Variants in FAM184B observed in about 807,000 individuals in gnomAD.
FAM184B encodes protein FAM184B.
FAM184B carries 111 observed loss-of-function variants against 135.9 expected under a neutral mutation model. That is an observed-to-expected ratio of 0.82 (90% CI 0.70 to 0.96). The LOEUF (loss-of-function observed/expected upper bound fraction) is 0.96. Ranked by LOEUF, FAM184B falls within the 40% of genes least tolerant of loss-of-function variation. The pLI, the probability that FAM184B is intolerant of heterozygous loss-of-function variation, is 0.00. For synonymous variants in FAM184B, 552 were observed against 524.8 expected (o/e 1.05, Z -0.71); for missense variants, 1,375 against 1,323.9 (o/e 1.04, Z -0.60).
intron 11 of FAM184B, among the ~76,000 whole-genome samples, chr4:17,649,179 A>G (rs1263923031): frequency 6.6e-6 from 1 of 152,212 alleles, no homozygotes; most frequent in Non-Finnish European, 1.5e-5. Flanking sequence ...AAAATGGATG[A>G]GGTGATAAAA....
intron 1 of FAM184B, among the ~76,000 whole-genome samples, chr4:17,714,127 C>T (rs1163161767): frequency 6.6e-6 from 1 of 152,132 alleles, no homozygotes; most frequent in African/African-American, 2.4e-5. Context: ...GTTGAGTATA[C>T]AGTAGGTTCA....
In FAM184B at chr4:17,693,414, T is replaced by C. The variant is rs1217903725; in HGVS notation, c.1378-2A>G. On this transcript the variant is annotated splice_acceptor_variant, in intron 5 of 17. Transcript: ENST00000265018. LOFTEE classifies it high-confidence loss of function. ...TTCCTCCAACTGTGCTTCTACTTCC[T>C]AAATGATGATTGGAAGAGTTAACCA... The C allele has an allele frequency of 6.5e-7, 1 of 1,549,682 alleles. No homozygotes were observed. The highest frequency in any genetic ancestry group is 8.7e-7 in the Non-Finnish European group (1 of 1,145,228).
rs201889488 is a variant in FAM184B, at chr4:17,651,021, C to T, written c.2191+1809G>A. Among the ~76,000 whole-genome samples the T allele has an allele frequency of 2.2e-4, 33 of 152,264 alleles. 1 individual carries two copies. The East Asian group carries it at 6.0e-3, about 28-fold the overall frequency. ...AAAGTGCTGAGACTACAGGCATGAG[C>T]CACCACACTCAGCACCCAGAAATCT... On this transcript the variant is annotated intron_variant, in intron 11 of 17. Coordinates refer to ENST00000265018, the MANE Select transcript of FAM184B (RefSeq NM_015688.2).
At chr4:17,710,982 G>A (rs1717254569) in intron 1 of FAM184B, among the ~76,000 whole-genome samples, 1 of 152,184 alleles carries the variant, frequency 6.6e-6, no homozygotes, top group African/African-American at 2.4e-5. Flanking sequence ...GTGAAGTCAG[G>A]AGAGTTTTGT....
intron 1 of FAM184B, among the ~76,000 whole-genome samples, chr4:17,723,954 G>A (rs1207249112): frequency 3.3e-5 from 5 of 152,030 alleles, no homozygotes; most frequent in African/African-American, 1.2e-4. Flanking sequence ...CACATCCGGG[G>A]CAGCAAGACT....
chr4:17,709,230 C>G lies in FAM184B; in HGVS notation c.556G>C (p.Glu186Gln). The G allele has an allele frequency of 6.5e-7, 1 of 1,547,132 alleles. No individual in the cohort carries two copies. The highest frequency in any genetic ancestry group is 8.7e-7 in the Non-Finnish European group (1 of 1,145,138). Residue 186 changes from glutamate (E) to glutamine (Q), a missense_variant, in exon 2 of 18, where the codon GAG (glutamate) becomes CAG (glutamine). Coordinates refer to ENST00000265018, the MANE Select transcript of FAM184B (RefSeq NM_015688.2). ...LPQESPETKS[E>Q]PGQGPEMQEV... Reference sequence around the variant, plus strand: ...TGCATCTCCGGGCCCTGGCCTGGCTCCGACTTGGTTTCAGGGCTCTCCTGG... The same window carrying G: ...TGCATCTCCGGGCCCTGGCCTGGCTGCGACTTGGTTTCAGGGCTCTCCTGG...
At chr4:17,710,741 C>T (rs1717247532) in intron 1 of FAM184B, among the ~76,000 whole-genome samples, 1 of 152,148 alleles carries the variant, frequency 6.6e-6, no homozygotes, top group Non-Finnish European at 1.5e-5. Flanking sequence ...CAATGAGAAG[C>T]CCGGGAATGA....
At chr4:17,762,692 T>C (rs1004200197) in intron 1 of FAM184B, among the ~76,000 whole-genome samples, 2 of 152,240 alleles carry the variant, frequency 1.3e-5, no homozygotes, top group African/African-American at 4.8e-5. Flanking sequence ...TGAGTGACTA[T>C]TTGGTGAACA....
intron 1 of FAM184B, among the ~76,000 whole-genome samples, chr4:17,774,349 C>T (rs1270611729): frequency 6.6e-6 from 1 of 152,096 alleles, no homozygotes; most frequent in Non-Finnish European, 1.5e-5. Context: ...TCCTGGGCAA[C>T]AGAGCCAGAC....
intron 1 of FAM184B, among the ~76,000 whole-genome samples, chr4:17,729,085 A>T (rs376696217): frequency 2.2e-4 from 33 of 152,138 alleles, no homozygotes; most frequent in African/African-American, 7.5e-4. Flanking sequence ...AAAAAACGGC[A>T]CACCAGGAGA....
At chr4:17,659,092 A>G (rs1272233874) in intron 9 of FAM184B, among the ~76,000 whole-genome samples, 1 of 151,288 alleles carries the variant, frequency 6.6e-6, no homozygotes, top group Non-Finnish European at 1.5e-5. Context: ...TATACATATC[A>G]TTATATATAA....
chr4:17,734,355 T>A (rs1229694973), intron 1 of FAM184B, among the ~76,000 whole-genome samples: 1 of 152,036 alleles, frequency 6.6e-6, no homozygotes, highest in Non-Finnish European at 1.5e-5. Flanking sequence ...CTAAAGAGCT[T>A]CTGCACAGCA....
chr4:17,770,468 TTGTTG>T (rs869241553), intron 1 of FAM184B, among the ~76,000 whole-genome samples: 9 of 151,296 alleles, frequency 5.9e-5, no homozygotes, highest in South Asian at 2.1e-4. Context: ...GTTGTTGTTG[TTGTTG>T]TTTTTTCTGA....
rs1247709828 is a variant in FAM184B, at chr4:17,629,550, T to C, written c.*2982A>G. ...ACAGTTTGCTTTCATGTGGAACAGA[T>C]AGTATTCCTTTCAGTTTTGCTGCAG... On this transcript the variant is annotated 3_prime_UTR_variant, in exon 18 of 18. Transcript: ENST00000265018. 1 of 152,220 alleles carries C rather than the reference T, an allele frequency of 6.6e-6. No homozygotes were observed. Among genetic ancestry groups the C allele is most frequent in the Non-Finnish European group, 1.5e-5 (1 of 68,036 alleles). The allele number at this position is 152,220 out of a possible 1,614,324, so 9.4% of individuals were successfully genotyped here. A position where few individuals can be genotyped will look rare whatever the true frequency, so the allele number is the denominator to read the frequency against.
At chr4:17,640,542 C>T (rs1170662009) in intron 13 of FAM184B, among the ~76,000 whole-genome samples, 2 of 149,678 alleles carry the variant, frequency 1.3e-5, no homozygotes, top group Non-Finnish European at 3.0e-5. Context: ...AATTTTGGGC[C>T]AACACAACAG....
At chr4:17,702,654 G>T (rs1243834548) in intron 5 of FAM184B, among the ~76,000 whole-genome samples, 1 of 152,080 alleles carries the variant, frequency 6.6e-6, no homozygotes, top group African/African-American at 2.4e-5. Flanking sequence ...TCAGTTCTTG[G>T]AAACGAACAA....
intron 5 of FAM184B, among the ~76,000 whole-genome samples, chr4:17,698,653 C>G (rs574292703): frequency 1.3e-5 from 2 of 152,118 alleles, no homozygotes; most frequent in South Asian, 4.2e-4. Context: ...ATGAAGTGTC[C>G]CAACTCAGTA....
chr4:17,642,131 T>C lies in FAM184B; in HGVS notation c.2444A>G (p.Gln815Arg), dbSNP rs1212443456. The change falls in exon 13 of 18, where the codon CAG becomes CGG. Residue 815 changes from glutamine to arginine, a missense_variant. Gln to Arg is a conservative substitution (Grantham distance 43). Transcript: ENST00000265018. ...CGLWEENAQL[Q>R]DAVRRLRAEV... Reference sequence around the variant, plus strand: ...CGCGCGCAGCCGCCGCACCGCGTCCTGGAGCTGCGCGTTCTCCTCCCAGAG... The same window carrying C: ...CGCGCGCAGCCGCCGCACCGCGTCCCGGAGCTGCGCGTTCTCCTCCCAGAG... 1.3e-6 allele frequency: 2 copies of C among 1,533,446 alleles called. No individual in the cohort carries two copies. Among genetic ancestry groups the C allele is most frequent in the Admixed American group, 2.0e-5 (1 of 50,896 alleles). 95.0% of individuals were successfully genotyped at this position (1,533,446 alleles called of 1,614,324 possible). A position where few individuals can be genotyped will look rare whatever the true frequency, so the allele number is the denominator to read the frequency against.
intron 1 of FAM184B, among the ~76,000 whole-genome samples, chr4:17,772,822 T>C (rs1362032985): frequency 6.6e-6 from 1 of 152,238 alleles, no homozygotes; most frequent in Non-Finnish European, 1.5e-5. Context: ...CCAGGGCAGT[T>C]CTGCCTGCCA....
Sources: allele counts gnomAD v4.1 joint callset (sites outside exome capture counted in the v4.1 genomes callset), GRCh38; gene constraint gnomAD v4.1.1; transcripts MANE v1.5; gene names NCBI Gene and HGNC (gene_info 2026-07-23, HGNC 2026-07-21).